The following COL4A4 variants were observed in gnomAD, a reference collection of about 807,000 sequenced individuals.
COL4A4 encodes the protein collagen type IV alpha 4 chain.
COL4A4 carries 105 observed loss-of-function variants against 192.9 expected under a neutral mutation model. The ratio of observed to expected loss-of-function variants is 0.54; its 90% CI spans 0.46 to 0.64. The LOEUF is 0.64. Ranked by LOEUF, COL4A4 falls within the 30% of genes least tolerant of loss-of-function variation. The pLI is 0.00. For synonymous variants in COL4A4, 762 were observed against 769.9 expected, an observed-to-expected ratio of 0.99 and a Z score of 0.17; for missense variants, 1,967 against 2,169.3, an observed-to-expected ratio of 0.91 and a Z score of 1.85.
chr2:227,034,570 AATTT>A (rs983692697), intron 37 of COL4A4, among the ~76,000 whole-genome samples: 10 of 144,744 alleles, frequency 6.9e-5, no homozygotes, highest in African/African-American at 1.8e-4. Flanking sequence ...TTAATTAATT[AATTT>A]ATTTATTATA....
At chr2:226,983,012 C>T in the COL4A4 span, among the ~76,000 whole-genome samples, 2 of 152,230 alleles carry the variant, frequency 1.3e-5, no homozygotes, top group African/African-American at 2.4e-5. Flanking sequence ...AACTACCAGT[C>T]TTTGACTCAT....
chr2:226,986,562 C>T, the COL4A4 span, among the ~76,000 whole-genome samples: 5 of 151,976 alleles, frequency 3.3e-5, no homozygotes, highest in East Asian at 9.7e-4. Flanking sequence ...TTTATGTGGC[C>T]AAGAAGCATA....
At chr2:227,140,376 TGAA>T in intron 3 of COL4A4, 138 bp from the exon 4 acceptor site, 1 of 730,570 alleles carries the variant, frequency 1.4e-6, no homozygotes, top group Non-Finnish European at 2.4e-6. Context: ...TATAAAAAGA[TGAA>T]GAACTTACAC....
At chr2:227,130,764 C>T (rs78740718) in intron 4 of COL4A4, among the ~76,000 whole-genome samples, 3,869 of 152,322 alleles carry the variant, frequency 0.025, 159 homozygotes, top group African/African-American at 0.088. Context: ...CTCATGATCG[C>T]CCCTGAAACG....
In COL4A4 at chr2:227,099,629, G is replaced by A. The variant is rs2060396102; in HGVS notation, c.1090C>T (p.Pro364Ser). ...PPGVLVTPPL[P>S]LKGPPGDPGF... ...GAATAGGAACACAAACCTTTGAGTG[G>A]AAGAGGTGGAGTCACCAAAACACCT... Residue 364 changes from proline (P) to serine (S), a missense_variant, in exon 18 of 48, where the codon CCA (proline) becomes TCA (serine). By Grantham distance (74) the Pro-to-Ser change is moderately conservative. Transcript: ENST00000396625. The A allele has an allele frequency of 1.2e-6, 2 of 1,613,936 alleles. No homozygotes were observed. The highest frequency in any genetic ancestry group is 1.3e-5 in the African/African-American group (1 of 74,924).
At chr2:227,161,627 T>G (rs1372315454) in intron 1 of COL4A4, among the ~76,000 whole-genome samples, 1 of 152,196 alleles carries the variant, frequency 6.6e-6, no homozygotes, top group African/African-American at 2.4e-5. Context: ...GGCTTTTAGA[T>G]AAGCAACTTC....
In COL4A4 at chr2:227,008,154, G is replaced by A. The variant is rs760044982; in HGVS notation, c.4673C>T (p.Ala1558Val). The change falls in exon 47 of 48, where the codon GCG (alanine) becomes GTG (valine). Residue 1558 changes from alanine (A) to valine (V), a missense_variant. Coordinates refer to ENST00000396625, the MANE Select transcript of COL4A4 (RefSeq NM_000092.5). ...PLPMMPLSEE[A>V]IRPYVSRCAV... ...ACAGCGGCTGACATAGGGGCGGATC[G>A]CCTCTTCAGAGAGTGGCATCATGGG... 2.5e-5 allele frequency: 40 copies of A among 1,613,864 alleles called. No individual in the cohort carries two copies. The highest frequency in any genetic ancestry group is 2.3e-4 in the South Asian group (21 of 91,082).
chr2:227,082,062 G>A, intron 23 of COL4A4, 53 bp downstream of exon 23: 1 of 1,391,034 alleles, frequency 7.2e-7, no homozygotes, highest in South Asian at 1.2e-5. Context: ...CAAGAGGAGG[G>A]TCCATACATC....
chr2:227,057,577 G>A lies in COL4A4; in HGVS notation c.2407C>T (p.Leu803=), dbSNP rs762646235. The part of the protein sequence containing the change: ...AEGPAGIPGF[L]GLKGPKGREG... ...CTGCCTTTGGGACCTTTGAGACCTA[G>A]GAATCCAGGAATGCCAGCTGGCCCT... The change falls in exon 29 of 48, where the codon CTA becomes TTA. Residue 803 remains leucine (L), a synonymous_variant. Transcript: ENST00000396625. The A allele has an allele frequency of 2.5e-6, 4 of 1,614,128 alleles. No individual in the cohort carries two copies. In the Admixed American group the frequency reaches 6.7e-5, roughly 27 times the overall value.
intron 20 of COL4A4, among the ~76,000 whole-genome samples, chr2:227,090,308 A>G (rs1013850571): frequency 3.3e-5 from 5 of 152,216 alleles, no homozygotes; most frequent in African/African-American, 1.2e-4. Flanking sequence ...TCCCCCACTC[A>G]GTGATCAATT....
chr2:226,971,909 CT>C, the COL4A4 span, among the ~76,000 whole-genome samples: 63,885 of 146,206 alleles, frequency 0.44, 13,472 homozygotes, highest in South Asian at 0.52. Flanking sequence ...CAAAAGCCCA[CT>C]TTTTTTTTTT....
At position 227,022,071 on chromosome 2, in the gene COL4A4, C is replaced by G. The variant is rs555333692; in HGVS notation, c.4193G>C (p.Gly1398Ala). Residue 1398 changes from glycine (G) to alanine (A), a missense_variant, in exon 44 of 48, where the codon GGA (glycine) becomes GCA (alanine). Physicochemically the swap from Gly to Ala is moderately conservative, Grantham distance 60 (BLOSUM62 0). Coordinates refer to ENST00000396625, the MANE Select transcript of COL4A4 (RefSeq NM_000092.5). ...RGPEGAMGLP[G>A]MRGPSGPGCK... ...ACCTGGTCCTGAGGGGCCTCTCATT[C>G]CAGGGAGCCCCATGGCTCCTTCTGG... is the stretch of plus-strand genomic sequence containing the variant. 1.2e-6 allele frequency: 2 copies of G among 1,613,952 alleles called. No individual in the cohort carries two copies. Among genetic ancestry groups the G allele is most frequent in the Non-Finnish European group, 1.7e-6 (2 of 1,179,874 alleles).
At chr2:226,990,150 A>T in the COL4A4 span, among the ~76,000 whole-genome samples, 1 of 152,240 alleles carries the variant, frequency 6.6e-6, no homozygotes, top group Non-Finnish European at 1.5e-5. Flanking sequence ...TACTGTCTTT[A>T]AGCATCTCCC....
At chr2:227,041,860 A>AAGAAAGAAAGAGAGAGAGAGAG (rs1971386464) in intron 37 of COL4A4, among the ~76,000 whole-genome samples, 1 of 92,284 alleles carries the variant, frequency 1.1e-5, no homozygotes, top group African/African-American at 5.5e-5. Context: ...GAAAGAAAGA[A>AAGAAAGAAAGAGAGAGAGAGAG]AGAAAGAAAG....
intron 25 of COL4A4, among the ~76,000 whole-genome samples, chr2:227,067,812 A>G (rs1399970111): frequency 6.6e-6 from 1 of 151,382 alleles, no homozygotes; most frequent in African/African-American, 2.4e-5. Flanking sequence ...AAAGAACTAG[A>G]AAAGCAAGAG....
intron 25 of COL4A4, among the ~76,000 whole-genome samples, chr2:227,074,638 T>C (rs963968083): frequency 2.6e-5 from 4 of 152,148 alleles, no homozygotes; most frequent in Admixed American, 1.3e-4. Flanking sequence ...ATTGCAAAGA[T>C]GTGGCACCAA....
Position 227,047,567 on chromosome 2 carries a change from C to A in COL4A4, c.3215-18G>T, listed in dbSNP as rs886038230. The A allele has an allele frequency of 6.3e-7, 1 of 1,579,010 alleles. No homozygotes were observed. Among genetic ancestry groups the A allele is most frequent in the Non-Finnish European group, 8.7e-7 (1 of 1,148,502 alleles). On this transcript the variant is annotated intron_variant, in intron 34 of 47. Coordinates refer to ENST00000396625, the MANE Select transcript of COL4A4 (RefSeq NM_000092.5). ...TTTGTTTCCTGAAAGGGATAAAATG[C>A]ATGTGACATTACTTTAGACAATTTA...
chr2:227,147,179 G>T lies in COL4A4; in HGVS notation c.71+234C>A. On this transcript the variant is annotated intron_variant, in intron 2 of 47. Transcript: ENST00000396625. The stretch of plus-strand genomic sequence containing the variant: ...AGTGAGTAAGCGAGCAAGAATCTGG[G>T]GCCTTTCCTTGTGCAACTTCCCATT... 3 of 651,588 alleles carry T rather than the reference G, an allele frequency of 4.6e-6. No homozygotes were observed. In the East Asian group the frequency reaches 9.4e-5, roughly 20 times the overall value. The allele number at this position is 651,588 out of a possible 1,614,324, so 40.4% of individuals were successfully genotyped here.
At chr2:226,995,575 T>C in the COL4A4 span, 1 of 1,214,490 alleles carries the variant, frequency 8.2e-7, no homozygotes, top group Admixed American at 1.9e-5. Flanking sequence ...CCCATTTGGC[T>C]CATTCCCCAA....
Sources: allele counts gnomAD v4.1 joint callset (sites outside exome capture counted in the v4.1 genomes callset), GRCh38; gene constraint gnomAD v4.1.1; transcripts MANE v1.5; gene names NCBI Gene and HGNC (gene_info 2026-07-23, HGNC 2026-07-21).